GMNN: variants seen among roughly 807,000 people sequenced by gnomAD.
GMNN encodes geminin DNA replication inhibitor.
Under a neutral mutation model 20.9 loss-of-function variants are expected in GMNN, and 14 were observed. That is an observed-to-expected ratio of 0.67 (90% CI 0.44 to 1.05). GMNN has a LOEUF of 1.05. Among genes scored for constraint, GMNN ranks in the 50% least tolerant of loss-of-function variants. The pLI is 0.00. For missense variants in GMNN, 227 were observed against 243.8 expected (o/e 0.93, Z 0.46); for synonymous variants, 81 against 85.8 (o/e 0.94, Z 0.31).
At chr6:24,785,544 A>G (rs1341666313) in intron 6 of GMNN, 94 bp from the exon 7 acceptor site, 2 of 562,852 alleles carry the variant, frequency 3.6e-6, no homozygotes, top group Non-Finnish European at 3.1e-6. Context: ...TCTCATAGCT[A>G]TATCAGTATG....
chr6:24,784,495 G>T lies in GMNN; in HGVS notation c.409G>T (p.Glu137Ter), dbSNP rs1239980043. 1 of 1,590,454 alleles carries T rather than the reference G, an allele frequency of 6.3e-7. No homozygotes were observed. Among genetic ancestry groups the T allele is most frequent in the Non-Finnish European group, 8.6e-7 (1 of 1,158,528 alleles). Residue 137 changes from glutamate to a stop codon, truncating the protein, a stop_gained, in exon 6 of 7, where the codon GAG (glutamate) becomes TAG (stop). Transcript: ENST00000230056. LOFTEE classifies it high-confidence loss of function. ...KDNEIARLKK[E>*]NKELAEVAEH... The stretch of plus-strand genomic sequence containing the variant: ...CAATGAAATTGCCCGCCTGAAAAAG[G>T]AGAATAAAGAACTGGCAGAAGTAGC...
intron 6 of GMNN, 100 bp downstream of exon 6, chr6:24,784,654 A>C: frequency 1.8e-6 from 1 of 553,832 alleles, no homozygotes. Context: ...CTCTGGAATC[A>C]GATTTCCTGG....
intron 2 of GMNN, among the ~76,000 whole-genome samples, chr6:24,778,338 C>T (rs1780126894): frequency 6.6e-6 from 1 of 152,030 alleles, no homozygotes; most frequent in African/African-American, 2.4e-5. Flanking sequence ...GACCCTGTTT[C>T]TAAAAAACCA....
At chr6:24,781,893 G>A (rs1780230885) in intron 4 of GMNN, among the ~76,000 whole-genome samples, 1 of 152,144 alleles carries the variant, frequency 6.6e-6, no homozygotes, top group African/African-American at 2.4e-5. Flanking sequence ...TTTGAGACTA[G>A]CCTGGACAAC....
At chr6:24,781,215 T>TA (rs1780206470) in intron 3 of GMNN, among the ~76,000 whole-genome samples, 1 of 150,634 alleles carries the variant, frequency 6.6e-6, no homozygotes, top group African/African-American at 2.5e-5. Flanking sequence ...AAAATAAAAA[T>TA]AAAAAATTTT....
At chr6:24,783,059 C>G (rs1043387876) in intron 4 of GMNN, among the ~76,000 whole-genome samples, 4 of 152,102 alleles carry the variant, frequency 2.6e-5, no homozygotes, top group African/African-American at 9.7e-5. Flanking sequence ...CACTAAAGTT[C>G]CATGGAGAAA....
chr6:24,779,557 C>CT (rs1285837217), intron 2 of GMNN, among the ~76,000 whole-genome samples: 2 of 152,112 alleles, frequency 1.3e-5, no homozygotes, highest in Non-Finnish European at 2.9e-5. Context: ...GGCATTTGTC[C>CT]TTCAGTTAAA....
rs1190624432 is a variant in GMNN at position 24,781,391 on chromosome 6, CT to C, written c.130-79del. 6 of 858,628 alleles carry C rather than the reference CT, an allele frequency of 7.0e-6. No individual in the cohort carries two copies. In the East Asian group the frequency reaches 8.1e-5, roughly 12 times the overall value. The allele number at this position is 858,628 out of a possible 1,614,324, so 53.2% of individuals were successfully genotyped here. Reference sequence around the variant, plus strand: ...TGTGAAAAAGTTAGATATGCGTACTCTTTTTTTAATACATAAATGAAAAACC... The same window carrying C: ...TGTGAAAAAGTTAGATATGCGTACTCTTTTTTAATACATAAATGAAAAACC... On this transcript the variant is annotated intron_variant, in intron 3 of 6. Transcript: ENST00000230056.
chr6:24,775,835 C>T (rs555639463), intron 1 of GMNN: 39 of 152,296 alleles, frequency 2.6e-4, no homozygotes, highest in African/African-American at 8.9e-4. Context: ...GTACGTTTTA[C>T]GTCGCAACCT....
Position 24,781,423 on chromosome 6 carries a change from AT to A in GMNN, c.130-51del, listed in dbSNP as rs943129038. ...TAATACATAAATGAAAAACCACCTAATTTCTTGTTAATTAAATCAAAGTAAA... is the reference window on the plus strand; with the variant it reads ...TAATACATAAATGAAAAACCACCTAATTCTTGTTAATTAAATCAAAGTAAA... On this transcript the variant is annotated intron_variant, in intron 3 of 6. Transcript: ENST00000230056. 67 of 1,231,266 alleles carry A rather than the reference AT, an allele frequency of 5.4e-5. No homozygotes were observed. In the East Asian group the frequency reaches 1.4e-3, roughly 25 times the overall value. The allele number at this position is 1,231,266 out of a possible 1,614,324, so 76.3% of individuals were successfully genotyped here.
At chr6:24,780,943 G>A (rs1253671979) in intron 3 of GMNN, among the ~76,000 whole-genome samples, 1 of 152,204 alleles carries the variant, frequency 6.6e-6, no homozygotes, top group Non-Finnish European at 1.5e-5. Flanking sequence ...GCTCACGCCT[G>A]TTATCCCAGC....
At position 24,776,672 on chromosome 6, in the gene GMNN, A is replaced by G. The variant is rs1340902162; in HGVS notation, c.-25-550A>G. On this transcript the variant is annotated intron_variant, in intron 1 of 6. Transcript: ENST00000230056. ...TGAGTTTGGCCCAGTGGTCTAGTCA[A>G]CCGCATTACATAGATCCCTTTCTAC... Among the ~76,000 whole-genome samples, 3 of 152,168 alleles carry G rather than the reference A, an allele frequency of 2.0e-5. No homozygotes were observed. The East Asian group carries it at 5.8e-4, about 29-fold the overall frequency.
chr6:24,781,622 G>A lies in GMNN; in HGVS notation c.274+1G>A, dbSNP rs1780224073. 7.3e-7 allele frequency: 1 copy of A among 1,376,646 alleles called. No individual in the cohort carries two copies. Among genetic ancestry groups the A allele is most frequent in the Non-Finnish European group, 9.7e-7 (1 of 1,025,840 alleles). 85.3% of individuals were successfully genotyped at this position (1,376,646 alleles called of 1,614,324 possible). ...GAGTCATTTGATCTTATGATTAAAG[G>A]TATGAAAAAATAGATAACTTTTGTC... On this transcript the variant is annotated splice_donor_variant, in intron 4 of 6. Transcript: ENST00000230056. LOFTEE classifies it high-confidence loss of function.
intron 1 of GMNN, among the ~76,000 whole-genome samples, chr6:24,776,254 C>A (rs1317721849): frequency 1.3e-5 from 2 of 152,136 alleles, no homozygotes; most frequent in African/African-American, 4.8e-5. Flanking sequence ...AGCACCACCA[C>A]GTCCGGCTAA....
In GMNN at chr6:24,784,185, A is replaced by C. The variant is rs1353306556; in HGVS notation, c.357+16A>C. 5 of 1,251,104 alleles carry C rather than the reference A, an allele frequency of 4.0e-6. No individual in the cohort carries two copies. Among genetic ancestry groups the C allele is most frequent in the Non-Finnish European group, 5.8e-6 (5 of 857,414 alleles). The allele number at this position is 1,251,104 out of a possible 1,614,324, so 77.5% of individuals were successfully genotyped here. ...AAATGAGAAAGTATGTATTGAGTAT[A>C]ATTTGTACCATTTTTAAAAATTCCA... is the stretch of plus-strand genomic sequence containing the variant. On this transcript the variant is annotated intron_variant, in intron 5 of 6. Transcript: ENST00000230056.
At position 24,782,776 on chromosome 6, in the gene GMNN, C is replaced by A. The variant is rs1034519604; in HGVS notation, c.274+1155C>A. 3.9e-5 allele frequency among the ~76,000 whole-genome samples: 6 copies of A among 152,058 alleles called. No individual in the cohort carries two copies. In the East Asian group the frequency reaches 1.2e-3, roughly 29 times the overall value. ...GGTGGAACACATTATCCTTGTAACC[C>A]TCTGCGATACATGGTAAAAATTAAA... is the stretch of plus-strand genomic sequence containing the variant. On this transcript the variant is annotated intron_variant, in intron 4 of 6. Coordinates refer to ENST00000230056, the MANE Select transcript of GMNN (RefSeq NM_015895.5).
intron 5 of GMNN, 109 bp from the exon 6 acceptor site, chr6:24,784,335 A>G (rs910700995): frequency 1.2e-5 from 8 of 694,500 alleles, no homozygotes; most frequent in Admixed American, 2.4e-5. Context: ...CGTTGTGTTG[A>G]GAGTCAATTC....
At position 24,784,120 on chromosome 6, in the gene GMNN, C is replaced by T; in HGVS notation, c.308C>T (p.Ala103Val). 1.3e-6 allele frequency: 2 copies of T among 1,523,816 alleles called. No individual in the cohort carries two copies. Among genetic ancestry groups the T allele is most frequent in the Non-Finnish European group, 1.8e-6 (2 of 1,100,074 alleles). The allele number at this position is 1,523,816 out of a possible 1,614,324, so 94.4% of individuals were successfully genotyped here. The change falls in exon 5 of 7, where the codon GCA becomes GTA. Residue 103 changes from alanine (A) to valine (V), a missense_variant. Ala to Val is a moderately conservative substitution (Grantham distance 64). Transcript: ENST00000230056. ...NPSSQYWKEV[A>V]EKRRKALYEA... is the part of the protein sequence containing the mutation. ...TCCTCTCAGTATTGGAAGGAAGTGGCAGAAAAACGGAGAAAGGCGCTGTAT... is the reference window on the plus strand; with the variant it reads ...TCCTCTCAGTATTGGAAGGAAGTGGTAGAAAAACGGAGAAAGGCGCTGTAT...
At chr6:24,783,711 G>A (rs1780277365) in intron 4 of GMNN, among the ~76,000 whole-genome samples, 1 of 152,008 alleles carries the variant, frequency 6.6e-6, no homozygotes, top group South Asian at 2.1e-4. Flanking sequence ...TGCCAAAAAT[G>A]TTTAGTTTGA....
Sources: allele counts gnomAD v4.1 joint callset (sites outside exome capture counted in the v4.1 genomes callset), GRCh38; gene constraint gnomAD v4.1.1; transcripts MANE v1.5; gene names NCBI Gene and HGNC (gene_info 2026-07-23, HGNC 2026-07-21).